Variants in CCSER1 observed in about 807,000 individuals in gnomAD.
CCSER1 encodes coiled-coil serine rich protein 1.
Under a neutral mutation model 82.0 loss-of-function variants are expected in CCSER1, and 41 were observed. The observed-to-expected ratio is 0.50, with a 90% CI of 0.39 to 0.65. The LOEUF is 0.65. CCSER1 is among the 30% of genes least tolerant of loss of function. The pLI is 0.00. For synonymous variants in CCSER1, 414 were observed against 383.9 expected (o/e 1.08, Z -0.92); for missense variants, 1,119 against 1,064.2 (o/e 1.05, Z -0.72).
chr4:91,091,873 T>C (rs904728352), intron 10 of CCSER1, among the ~76,000 whole-genome samples: 17 of 152,202 alleles, frequency 1.1e-4, no homozygotes, highest in Admixed American at 2.0e-4. Flanking sequence ...GAGAATAAGC[T>C]GACTGAGCAC....
intron 8 of CCSER1, among the ~76,000 whole-genome samples, chr4:90,893,193 C>T (rs1394532750): frequency 6.6e-6 from 1 of 150,598 alleles, no homozygotes; most frequent in East Asian, 2.0e-4. Context: ...GGCTTTCTAA[C>T]AGAAAGTCCC....
At chr4:90,349,950 A>G (rs1743130489) in intron 3 of CCSER1, among the ~76,000 whole-genome samples, 1 of 152,166 alleles carries the variant, frequency 6.6e-6, no homozygotes, top group South Asian at 2.1e-4. Flanking sequence ...AATCATAAAC[A>G]CTACTCCATG....
At chr4:91,053,774 T>C (rs901384173) in intron 9 of CCSER1, among the ~76,000 whole-genome samples, 3 of 152,218 alleles carry the variant, frequency 2.0e-5, no homozygotes. Context: ...AGCATTACTG[T>C]GCATCTTTGT....
At chr4:90,988,334 C>CAAAAAAAAAAA (rs60408059) in intron 9 of CCSER1, among the ~76,000 whole-genome samples, 9 of 75,384 alleles carry the variant, frequency 1.2e-4, no homozygotes, top group African/African-American at 4.7e-4. Flanking sequence ...TATCTTGTCT[C>CAAAAAAAAAAA]AAAAAAAAAA....
chr4:91,163,749 G>A (rs1159187361), intron 10 of CCSER1, among the ~76,000 whole-genome samples: 1 of 149,956 alleles, frequency 6.7e-6, no homozygotes, highest in Non-Finnish European at 1.5e-5. Flanking sequence ...GACTAGGATT[G>A]CAATCCCTGC....
chr4:91,067,453 C>T (rs1291323345), intron 9 of CCSER1, among the ~76,000 whole-genome samples: 2 of 151,804 alleles, frequency 1.3e-5, no homozygotes, highest in African/African-American at 4.8e-5. Flanking sequence ...TCAAACAGTC[C>T]TCCCTCCTCA....
chr4:90,766,321 A>G (rs1474143442), intron 7 of CCSER1, among the ~76,000 whole-genome samples: 2 of 152,206 alleles, frequency 1.3e-5, no homozygotes, highest in Admixed American at 1.3e-4. Flanking sequence ...TTCTTTATGC[A>G]GAAATTTTAT....
chr4:91,258,370 C>G (rs1740854346), intron 10 of CCSER1, among the ~76,000 whole-genome samples: 1 of 152,012 alleles, frequency 6.6e-6, no homozygotes, highest in Non-Finnish European at 1.5e-5. Flanking sequence ...CAGAAATTTC[C>G]TTGGTACAGA....
intron 10 of CCSER1, among the ~76,000 whole-genome samples, chr4:91,091,143 T>C (rs1421114854): frequency 6.6e-6 from 1 of 152,242 alleles, no homozygotes; most frequent in African/African-American, 2.4e-5. Flanking sequence ...ATCCTGCTCC[T>C]AGCTTATTTC....
chr4:90,825,436 A>G (rs1760283952), intron 8 of CCSER1, among the ~76,000 whole-genome samples: 1 of 152,194 alleles, frequency 6.6e-6, no homozygotes, highest in South Asian at 2.1e-4. Flanking sequence ...AACAAACGCA[A>G]CAATTTAAGT....
intron 9 of CCSER1, among the ~76,000 whole-genome samples, chr4:90,984,134 A>G (rs1054390384): frequency 6.6e-6 from 1 of 151,816 alleles, no homozygotes; most frequent in African/African-American, 2.4e-5. Context: ...CATACTGGAC[A>G]AGAATGACTG....
intron 10 of CCSER1, among the ~76,000 whole-genome samples, chr4:91,412,735 A>G (rs1474856767): frequency 6.6e-6 from 1 of 152,078 alleles, no homozygotes; most frequent in Non-Finnish European, 1.5e-5. Flanking sequence ...ACATTCTGAG[A>G]CCAGTCTGTA....
At chr4:91,164,199 G>T (rs1054074889) in intron 10 of CCSER1, among the ~76,000 whole-genome samples, 11 of 152,118 alleles carry the variant, frequency 7.2e-5, no homozygotes, top group African/African-American at 7.2e-5. Flanking sequence ...AGCTTAGTTT[G>T]GCTGGATATG....
chr4:91,569,709 C>T (rs1763072921), intron 10 of CCSER1, among the ~76,000 whole-genome samples: 2 of 152,034 alleles, frequency 1.3e-5, no homozygotes, highest in South Asian at 4.1e-4. Context: ...CCCACCAGGT[C>T]CCCCCCAAAA....
chr4:91,540,396 A>G (rs1221188270), intron 10 of CCSER1, among the ~76,000 whole-genome samples: 4 of 152,066 alleles, frequency 2.6e-5, no homozygotes, highest in South Asian at 2.1e-4. Flanking sequence ...CTCTTTGCCT[A>G]TTTTAATTGA....
intron 10 of CCSER1, among the ~76,000 whole-genome samples, chr4:91,380,082 T>C (rs1430322673): frequency 6.6e-6 from 1 of 152,204 alleles, no homozygotes; most frequent in South Asian, 2.1e-4. Context: ...AATCCTGAGT[T>C]CTAGTTTGAT....
At chr4:91,478,993 T>TATAC (rs1360587835) in intron 10 of CCSER1, among the ~76,000 whole-genome samples, 1 of 151,832 alleles carries the variant, frequency 6.6e-6, no homozygotes, top group South Asian at 2.1e-4. Context: ...ATTAAGCAAA[T>TATAC]ATACATACGT....
At chr4:90,483,019 A>C (rs1766321461) in intron 5 of CCSER1, among the ~76,000 whole-genome samples, 1 of 152,160 alleles carries the variant, frequency 6.6e-6, no homozygotes, top group Non-Finnish European at 1.5e-5. Flanking sequence ...GTCACTTTGT[A>C]GGTCACTAAG....
intron 6 of CCSER1, among the ~76,000 whole-genome samples, chr4:90,630,891 T>G (rs1164502198): frequency 6.7e-6 from 1 of 148,452 alleles, no homozygotes; most frequent in Non-Finnish European, 1.5e-5. Context: ...ATTATTATTA[T>G]TATTATTATT....
Sources: allele counts gnomAD v4.1 joint callset (sites outside exome capture counted in the v4.1 genomes callset), GRCh38; gene constraint gnomAD v4.1.1; transcripts MANE v1.5; gene names NCBI Gene and HGNC (gene_info 2026-07-23, HGNC 2026-07-21).